DGKB: variants seen among roughly 807,000 people sequenced by gnomAD.
The protein encoded by DGKB is 90 kDa diacylglycerol kinase.
A neutral mutation model predicts 114.3 loss-of-function variants in DGKB; 67 were observed. The observed-to-expected ratio is 0.59, with a 90% CI of 0.48 to 0.72. DGKB has a LOEUF of 0.72. Ranked by LOEUF, DGKB falls within the 30% of genes least tolerant of loss-of-function variation. The probability of loss-of-function intolerance (pLI) is 0.00; values close to 1 mark genes in which losing one functional copy is unlikely to be tolerated. For synonymous variants in DGKB, 398 were observed against 323.1 expected (o/e 1.23, Z -2.49); for missense variants, 907 against 975.2 (o/e 0.93, Z 0.93).
At chr7:14,848,875 T>C (rs942157409) in intron 1 of DGKB, among the ~76,000 whole-genome samples, 9 of 152,138 alleles carry the variant, frequency 5.9e-5, no homozygotes, top group Non-Finnish European at 8.8e-5. Flanking sequence ...TCTGAGGCTA[T>C]TTCTGACCAA....
Position 14,329,098 on chromosome 7 carries a change from TAA to T in DGKB, c.2122+9415_2122+9416del, listed in dbSNP as rs1196377005. On this transcript the variant is annotated intron_variant, in intron 23 of 25. Transcript: ENST00000402815. ...TCACATGATAATTAGCTCTATATAA[TAA>T]AAGAGTATATTCATGGAAACTAAAC... Among the ~76,000 whole-genome samples, 9 of 152,024 alleles carry T rather than the reference TAA, an allele frequency of 5.9e-5. No individual in the cohort carries two copies. In the South Asian group the frequency reaches 1.9e-3, roughly 32 times the overall value.
At chr7:14,273,970 A>G (rs961084639) in intron 23 of DGKB, among the ~76,000 whole-genome samples, 1 of 152,192 alleles carries the variant, frequency 6.6e-6, no homozygotes, top group African/African-American at 2.4e-5. Context: ...GAGGATTTTA[A>G]ATTATTAGAA....
intron 23 of DGKB, among the ~76,000 whole-genome samples, chr7:14,304,989 A>G (rs988045816): frequency 5.8e-4 from 89 of 152,254 alleles, no homozygotes; most frequent in African/African-American, 2.1e-3. Context: ...TGAGATTGCC[A>G]CCATTTAAAA....
chr7:14,732,463 T>G lies in DGKB; in HGVS notation c.322+3578A>C, dbSNP rs558290560. ...AATGGAAAGGCATTTCTTTTGTCAG[T>G]TTCTGAGTCAAGGCTACTTCAGCCT... is the stretch of plus-strand genomic sequence containing the variant. On this transcript the variant is annotated intron_variant, in intron 5 of 25. Transcript: ENST00000402815. Among the ~76,000 whole-genome samples, 4 of 152,186 alleles carry G rather than the reference T, an allele frequency of 2.6e-5. No individual in the cohort carries two copies. In the South Asian group the frequency reaches 8.3e-4, roughly 32 times the overall value.
At chr7:14,948,923 T>A (rs991715400) in intron 1 of DGKB, among the ~76,000 whole-genome samples, 2 of 151,638 alleles carry the variant, frequency 1.3e-5, no homozygotes, top group Non-Finnish European at 3.0e-5. Context: ...GATTTGCATT[T>A]AAAAAATCAG....
intron 25 of DGKB, chr7:14,175,980 T>A (rs1412993768): frequency 1.3e-5 from 2 of 151,550 alleles, no homozygotes; most frequent in African/African-American, 2.4e-5. Flanking sequence ...AAGTTTTTTT[T>A]TTATTTTTTT....
intron 15 of DGKB, 98 bp from the exon 16 acceptor site, chr7:14,613,511 T>C (rs1805953453): frequency 4.4e-6 from 3 of 679,258 alleles, no homozygotes; most frequent in Non-Finnish European, 7.8e-6. Flanking sequence ...AATACGCAAT[T>C]TCAATAATAT....
chr7:14,277,812 AGTT>A (rs1444378910), intron 23 of DGKB, among the ~76,000 whole-genome samples: 1 of 152,156 alleles, frequency 6.6e-6, no homozygotes, highest in East Asian at 1.9e-4. Flanking sequence ...ATCATATAGT[AGTT>A]CTATTTTTAT....
intron 20 of DGKB, among the ~76,000 whole-genome samples, chr7:14,493,977 A>T (rs1784955254): frequency 6.7e-6 from 1 of 149,830 alleles, no homozygotes; most frequent in South Asian, 2.1e-4. Flanking sequence ...TGTACACATC[A>T]TAGCAATTAA....
chr7:14,574,254 T>C lies in DGKB; in HGVS notation c.1728A>G (p.Pro576=). 6.2e-7 allele frequency: 1 copy of C among 1,613,502 alleles called. No individual in the cohort carries two copies. Among genetic ancestry groups the C allele is most frequent in the Non-Finnish European group, 8.5e-7 (1 of 1,179,606 alleles). ...IPNDKDEKGD[P]VPYSIINNYF... is the part of the protein sequence containing the mutation. ...AATTATTGATGATACTGTAAGGCAC[T>C]GGGTCTCCTTTCTCATCTTTGTCAT... Residue 576 remains proline (P), a synonymous_variant, in exon 20 of 26, where the codon CCA becomes CCG. Transcript: ENST00000402815.
intron 1 of DGKB, among the ~76,000 whole-genome samples, chr7:14,911,190 C>A (rs1302792526): frequency 6.6e-6 from 1 of 151,584 alleles, no homozygotes; most frequent in African/African-American, 2.4e-5. Context: ...ACAGAAGGGC[C>A]ATATTTTATT....
chr7:14,642,082 G>A (rs769475027), intron 13 of DGKB, among the ~76,000 whole-genome samples: 42 of 152,090 alleles, frequency 2.8e-4, no homozygotes, highest in Admixed American at 1.8e-3. Context: ...GGAGATTTTC[G>A]TAATCCTCTT....
At chr7:14,190,613 T>G (rs541689752) in intron 23 of DGKB, among the ~76,000 whole-genome samples, 1 of 152,180 alleles carries the variant, frequency 6.6e-6, no homozygotes, top group Admixed American at 6.5e-5. Context: ...GAAGAATTTG[T>G]TTTTTTGAAA....
intron 1 of DGKB, among the ~76,000 whole-genome samples, chr7:14,931,611 G>A (rs1216343642): frequency 6.6e-6 from 1 of 152,156 alleles, no homozygotes; most frequent in African/African-American, 2.4e-5. Context: ...GGGTGGAACA[G>A]TCCCCATAGC....
chr7:14,631,284 A>AAAAG (rs1554558238), intron 13 of DGKB, among the ~76,000 whole-genome samples: 72 of 146,358 alleles, frequency 4.9e-4, no homozygotes, highest in Admixed American at 1.0e-3. Context: ...AAAAAAAAAG[A>AAAAG]AAAAAATAGC....
intron 21 of DGKB, among the ~76,000 whole-genome samples, chr7:14,428,075 A>T (rs1322328533): frequency 6.6e-6 from 1 of 152,118 alleles, no homozygotes; most frequent in Non-Finnish European, 1.5e-5. Context: ...TTCAATAAAA[A>T]ATATTCTGAT....
At chr7:14,889,210 T>G (rs541995350) in intron 1 of DGKB, among the ~76,000 whole-genome samples, 1 of 151,678 alleles carries the variant, frequency 6.6e-6, no homozygotes, top group Non-Finnish European at 1.5e-5. Flanking sequence ...TGCAAGTGAA[T>G]AGATGCTCCC....
At chr7:14,974,559 A>ACT (rs1336884710) in intron 1 of DGKB, 6 of 152,254 alleles carry the variant, frequency 3.9e-5, no homozygotes, top group Non-Finnish European at 7.4e-5. Flanking sequence ...TTGTACTTTA[A>ACT]GTGCAAAATA....
chr7:14,512,822 A>T (rs1788187800), intron 20 of DGKB, among the ~76,000 whole-genome samples: 1 of 152,164 alleles, frequency 6.6e-6, no homozygotes, highest in African/African-American at 2.4e-5. Context: ...AATCTCCCTC[A>T]GACAAAGTTT....
Sources: gnomAD v4.1 joint callset for allele counts (sites outside exome capture counted in the v4.1 genomes callset) on GRCh38, gnomAD v4.1.1 for gene constraint, MANE v1.5 for transcripts, NCBI Gene and HGNC (gene_info 2026-07-23, HGNC 2026-07-21) for gene names.